The following CHMP4B variants were observed in gnomAD, a reference collection of about 807,000 sequenced individuals.
CHMP4B encodes SNF7 homolog associated with Alix 1.
Under a neutral mutation model 25.1 loss-of-function variants are expected in CHMP4B, and 1 was observed. The ratio of observed to expected loss-of-function variants is 0.04; its 90% CI spans 0.01 to 0.19. The LOEUF is 0.19. CHMP4B is among the 10% of genes least tolerant of loss of function. The probability of loss-of-function intolerance (pLI) is 1.00; values close to 1 mark genes in which losing one functional copy is unlikely to be tolerated. For synonymous variants in CHMP4B, 101 were observed against 115.6 expected, an observed-to-expected ratio of 0.87 and a Z score of 0.81; for missense variants, 151 against 289.7, an observed-to-expected ratio of 0.52 and a Z score of 3.48.
chr20:33,848,310 A>C (rs1979744830), intron 1 of CHMP4B, among the ~76,000 whole-genome samples, 157 bp from the exon 2 acceptor site: 1 of 152,124 alleles, frequency 6.6e-6, no homozygotes, highest in Non-Finnish European at 1.5e-5. Flanking sequence ...TTTTTGTAGA[A>C]AATTGAATGT....
At position 33,853,493 on chromosome 20, in the gene CHMP4B, C is replaced by T. The variant is rs372440242; in HGVS notation, c.611-3C>T. The T allele has an allele frequency of 9.0e-5, 146 of 1,613,590 alleles. No individual in the cohort carries two copies. In the Middle Eastern group the frequency reaches 4.3e-3, roughly 47 times the overall value. On this transcript the variant is annotated splice_polypyrimidine_tract_variant and splice_region_variant and intron_variant, in intron 4 of 4. Transcript: ENST00000217402. ...CTAAATAGCCTTTTCTGTCTTCACACAGCCAAGAAGAAAGAAGAGGAGGAC... is the reference window on the plus strand; with the variant it reads ...CTAAATAGCCTTTTCTGTCTTCACATAGCCAAGAAGAAAGAAGAGGAGGAC...
At chr20:33,845,463 C>T (rs957830200) in intron 1 of CHMP4B, among the ~76,000 whole-genome samples, 3 of 152,142 alleles carry the variant, frequency 2.0e-5, no homozygotes, top group African/African-American at 4.8e-5. Context: ...GCTGGGACTA[C>T]AGGTGCGCGC....
At chr20:33,818,666 C>G (rs1978848966) in intron 1 of CHMP4B, among the ~76,000 whole-genome samples, 1 of 152,156 alleles carries the variant, frequency 6.6e-6, no homozygotes. Context: ...GGGGCAAATC[C>G]CAGCTTTGAC....
rs192888425 is a variant in CHMP4B at position 33,836,092 on chromosome 20, T to G, written c.191-12375T>G. Reference sequence around the variant, plus strand: ...AATATCTTCCCTGTTTCTCCTTCGCTTTTTAAGCATATAGACTATAGTTAT... The same window carrying G: ...AATATCTTCCCTGTTTCTCCTTCGCGTTTTAAGCATATAGACTATAGTTAT... On this transcript the variant is annotated intron_variant, in intron 1 of 4. Transcript: ENST00000217402. Among the ~76,000 whole-genome samples, 21 of 152,362 alleles carry G rather than the reference T, an allele frequency of 1.4e-4. No individual in the cohort carries two copies. The East Asian group carries it at 3.7e-3, about 27-fold the overall frequency.
chr20:33,830,284 C>T (rs1451985082), intron 1 of CHMP4B, among the ~76,000 whole-genome samples: 9 of 152,126 alleles, frequency 5.9e-5, no homozygotes, highest in Non-Finnish European at 1.0e-4. Flanking sequence ...GGGGAGGGAC[C>T]TGAAAGCCCT....
At chr20:33,831,120 A>G (rs1181867760) in intron 1 of CHMP4B, among the ~76,000 whole-genome samples, 1 of 142,478 alleles carries the variant, frequency 7.0e-6, no homozygotes, top group African/African-American at 2.6e-5. Flanking sequence ...TTTTCCAGAT[A>G]GCTTTGTCAC....
Position 33,821,992 on chromosome 20 carries a change from A to AT in CHMP4B, c.190+10347dup, listed in dbSNP as rs1297405480. ...CCACCATGCCCAGCTAAATTTTTGT[A>AT]TTTTTTTTTTTTTGTAGAGATGGGG... On this transcript the variant is annotated intron_variant, in intron 1 of 4. Coordinates refer to ENST00000217402, the MANE Select transcript of CHMP4B (RefSeq NM_176812.5). 4.6e-3 allele frequency among the ~76,000 whole-genome samples: 633 copies of AT among 138,330 alleles called. 2 individuals are homozygous for AT. The highest frequency in any genetic ancestry group is 0.011 in the South Asian group (47 of 4,386). 90.7% of individuals were successfully genotyped at this position (138,330 alleles called of 152,430 possible).
Position 33,811,558 on chromosome 20 carries a change from G to A in CHMP4B, c.90G>A (p.Arg30=), listed in dbSNP as rs781168269. 3.7e-6 allele frequency: 6 copies of A among 1,612,908 alleles called. No individual in the cohort carries two copies. In the African/African-American group the frequency reaches 6.7e-5, roughly 18 times the overall value. ...CCCAGGAGGCCATCCAGCGGCTGCG[G>A]GACACGGAAGAGATGTTAAGCAAGA... ...PTPQEAIQRL[R]DTEEMLSKKQ... The change falls in exon 1 of 5, where the codon CGG becomes CGA. Residue 30 remains arginine, a synonymous_variant. Coordinates refer to ENST00000217402, the MANE Select transcript of CHMP4B (RefSeq NM_176812.5).
chr20:33,826,316 C>T (rs940412503), intron 1 of CHMP4B, among the ~76,000 whole-genome samples: 3 of 151,912 alleles, frequency 2.0e-5, no homozygotes, highest in African/African-American at 7.3e-5. Context: ...CTGTGGGACC[C>T]AAGGTACAGA....
At position 33,841,811 on chromosome 20, in the gene CHMP4B, G is replaced by A. The variant is rs914414105; in HGVS notation, c.191-6656G>A. Among the ~76,000 whole-genome samples, 4 of 152,190 alleles carry A rather than the reference G, an allele frequency of 2.6e-5. 1 individual carries two copies. The highest frequency in any genetic ancestry group is 9.7e-5 in the African/African-American group (4 of 41,426). On this transcript the variant is annotated intron_variant, in intron 1 of 4. Coordinates refer to ENST00000217402, the MANE Select transcript of CHMP4B (RefSeq NM_176812.5). The stretch of plus-strand genomic sequence containing the variant: ...CATGTGTCAGCATGAGCTTTAAAAT[G>A]GAGTTTATCAAGGGCAGAGTTTGGA...
chr20:33,851,241 G>A (rs1339952587), intron 3 of CHMP4B, among the ~76,000 whole-genome samples, 175 bp downstream of exon 3: 1 of 152,180 alleles, frequency 6.6e-6, no homozygotes, highest in Non-Finnish European at 1.5e-5. Context: ...ATTTGGGGTG[G>A]AAGCTTAGGT....
At chr20:33,853,153 C>T (rs1979902636) in intron 4 of CHMP4B, among the ~76,000 whole-genome samples, 1 of 152,138 alleles carries the variant, frequency 6.6e-6, no homozygotes, top group Non-Finnish European at 1.5e-5. Flanking sequence ...TGGGGGTTGG[C>T]AAGGATTAGA....
intron 1 of CHMP4B, among the ~76,000 whole-genome samples, chr20:33,822,652 C>CT (rs1262031865): frequency 6.6e-6 from 1 of 152,230 alleles, no homozygotes; most frequent in African/African-American, 2.4e-5. Flanking sequence ...TGGCATTCAG[C>CT]TTGCTGCTCC....
At chr20:33,811,745 G>A (rs1396819278) in intron 1 of CHMP4B, 87 bp downstream of exon 1, 2 of 1,386,738 alleles carry the variant, frequency 1.4e-6, no homozygotes, top group Admixed American at 2.0e-5. Flanking sequence ...ACTCGCCTCG[G>A]GGTCTGGTCT....
intron 1 of CHMP4B, among the ~76,000 whole-genome samples, chr20:33,835,937 A>G (rs530828659): frequency 1.2e-3 from 182 of 152,310 alleles, no homozygotes; most frequent in African/African-American, 4.1e-3. Context: ...GGAGAATGGC[A>G]TTAAGCCATT....
At chr20:33,812,797 A>G (rs1978671659) in intron 1 of CHMP4B, among the ~76,000 whole-genome samples, 1 of 152,188 alleles carries the variant, frequency 6.6e-6, no homozygotes, top group Non-Finnish European at 1.5e-5. Context: ...GTAGGGGCTA[A>G]ATCGATGTTT....
chr20:33,845,363 C>T lies in CHMP4B; in HGVS notation c.191-3104C>T, dbSNP rs144038232. On this transcript the variant is annotated intron_variant, in intron 1 of 4. Transcript: ENST00000217402. ...CCCGAGATGGAGTCTTGCTCTGTTG[C>T]CCAGGCTGGAGTTCAGTGGCACGGT... Among the ~76,000 whole-genome samples, 398 of 151,282 alleles carry T rather than the reference C, an allele frequency of 2.6e-3. 2 individuals are homozygous for T. Among genetic ancestry groups the T allele is most frequent in the African/African-American group, 9.3e-3 (382 of 41,198 alleles).
At chr20:33,849,523 AG>A (rs1279996481) in intron 2 of CHMP4B, among the ~76,000 whole-genome samples, 1 of 152,192 alleles carries the variant, frequency 6.6e-6, no homozygotes, top group African/African-American at 2.4e-5. Context: ...GTTTGAACCC[AG>A]GAAGTGGAAG....
chr20:33,824,843 G>C (rs988243806), intron 1 of CHMP4B, among the ~76,000 whole-genome samples: 2 of 150,584 alleles, frequency 1.3e-5, no homozygotes, highest in Non-Finnish European at 3.0e-5. Flanking sequence ...CCAAAAGGGT[G>C]GGGGGAGGGT....
Sources: gnomAD v4.1 joint callset for allele counts (sites outside exome capture counted in the v4.1 genomes callset) on GRCh38, gnomAD v4.1.1 for gene constraint, MANE v1.5 for transcripts, NCBI Gene and HGNC (gene_info 2026-07-23, HGNC 2026-07-21) for gene names.